The following LAMA2 variants were observed in gnomAD, a reference collection of about 807,000 sequenced individuals.
LAMA2 encodes the protein laminin subunit alpha-2.
In LAMA2, 269 loss-of-function variants were observed where a neutral mutation model predicts 364.8. The ratio of observed to expected loss-of-function variants is 0.74; its 90% CI spans 0.67 to 0.82. The LOEUF is 0.82. LAMA2 is among the 40% of genes least tolerant of loss of function. The pLI is 0.00. For missense variants in LAMA2, 3,807 were observed against 3,873.2 expected (o/e 0.98, Z 0.45); for synonymous variants, 1,379 against 1,370.6 (o/e 1.01, Z -0.14).
chr6:129,216,581 C>G (rs896435483), intron 12 of LAMA2, among the ~76,000 whole-genome samples: 2 of 152,112 alleles, frequency 1.3e-5, no homozygotes, highest in Non-Finnish European at 2.9e-5. Context: ...TTTATCATGA[C>G]AAATGCTAGT....
Position 129,393,215 on chromosome 6 carries a change from G to T in LAMA2, c.5405G>T (p.Arg1802Leu), listed in dbSNP as rs141235562. Residue 1802 changes from arginine (R) to leucine (L), a missense_variant, in exon 37 of 65, where the codon CGC becomes CTC. Physicochemically the swap from Arg to Leu is moderately radical, Grantham distance 102. Coordinates refer to ENST00000421865, the MANE Select transcript of LAMA2 (RefSeq NM_000426.4). The part of the protein sequence containing the change: ...EATDKIREAN[R>L]LFAVNQKNMT... The stretch of plus-strand genomic sequence containing the variant: ...ACAGATAAAATCAGAGAAGCTAATC[G>T]CCTATTTGCAGTAAATCAGAAAAAC... The T allele has an allele frequency of 5.1e-5, 82 of 1,613,874 alleles. No individual in the cohort carries two copies. The African/African-American group carries it at 8.0e-4, about 16-fold the overall frequency.
intron 17 of LAMA2, among the ~76,000 whole-genome samples, chr6:129,279,378 C>T (rs265371): frequency 0.73 from 110,833 of 152,028 alleles, 41,327 homozygotes; most frequent in Non-Finnish European, 0.81. Flanking sequence ...AGCTCTATTG[C>T]TTCAGACCCA....
intron 29 of LAMA2, among the ~76,000 whole-genome samples, chr6:129,338,986 A>T (rs994674793): frequency 3.3e-5 from 5 of 151,840 alleles, no homozygotes; most frequent in Non-Finnish European, 4.4e-5. Flanking sequence ...TGGGGGTGGC[A>T]GGTAATGAAG....
At chr6:129,334,085 C>T (rs1395493754) in intron 29 of LAMA2, among the ~76,000 whole-genome samples, 1 of 152,192 alleles carries the variant, frequency 6.6e-6, no homozygotes, top group Non-Finnish European at 1.5e-5. Context: ...TTGAAATGGC[C>T]TCATGAGGCA....
chr6:128,902,102 T>C (rs1777121866), intron 1 of LAMA2, among the ~76,000 whole-genome samples: 1 of 152,158 alleles, frequency 6.6e-6, no homozygotes, highest in Admixed American at 6.5e-5. Context: ...TATAAAACCA[T>C]CAGACCTCAT....
chr6:129,448,520 A>T (rs1311659674), intron 45 of LAMA2, among the ~76,000 whole-genome samples: 1 of 152,200 alleles, frequency 6.6e-6, no homozygotes, highest in Non-Finnish European at 1.5e-5. Flanking sequence ...TCTGGATATG[A>T]CCTTAACACA....
At chr6:128,910,892 T>G (rs1296492691) in intron 1 of LAMA2, among the ~76,000 whole-genome samples, 2 of 151,594 alleles carry the variant, frequency 1.3e-5, no homozygotes, top group East Asian at 1.9e-4. Flanking sequence ...TGGAGTACCC[T>G]GCCATGTGAG....
intron 4 of LAMA2, among the ~76,000 whole-genome samples, chr6:129,130,007 G>T (rs1255387643): frequency 6.6e-6 from 1 of 152,020 alleles, no homozygotes; most frequent in African/African-American, 2.4e-5. Context: ...GTAGCTGTTA[G>T]GAGGAAGCAT....
chr6:129,349,253 T>C (rs1363193787), intron 30 of LAMA2, 45 bp from the exon 31 acceptor site: 1 of 1,445,354 alleles, frequency 6.9e-7, no homozygotes, highest in Admixed American at 1.7e-5. Context: ...TTTTATAAAA[T>C]AAATGGATTA....
chr6:129,481,062 T>C (rs1310477732), intron 54 of LAMA2, among the ~76,000 whole-genome samples: 2 of 152,202 alleles, frequency 1.3e-5, no homozygotes, highest in African/African-American at 2.4e-5. Flanking sequence ...TAACAAAAAC[T>C]GCTCAGAAGA....
intron 34 of LAMA2, 49 bp from the exon 35 acceptor site, chr6:129,383,073 A>C: frequency 9.1e-6 from 13 of 1,427,532 alleles, no homozygotes; most frequent in African/African-American, 1.4e-5. Flanking sequence ...ATCTAGCTGT[A>C]GCTTCATCAT....
intron 9 of LAMA2, among the ~76,000 whole-genome samples, chr6:129,166,401 G>A (rs867145397): frequency 1.1e-4 from 17 of 152,142 alleles, no homozygotes; most frequent in African/African-American, 4.1e-4. Context: ...AGGCTACAAT[G>A]TAGTGTTTTT....
intron 22 of LAMA2, among the ~76,000 whole-genome samples, chr6:129,308,929 A>C (rs1774044110): frequency 6.6e-6 from 1 of 152,188 alleles, no homozygotes; most frequent in African/African-American, 2.4e-5. Context: ...GGACAGCACC[A>C]AGCCCTGAGG....
At chr6:128,884,374 G>A (rs1416965373) in intron 1 of LAMA2, among the ~76,000 whole-genome samples, 1 of 152,048 alleles carries the variant, frequency 6.6e-6, no homozygotes, top group Non-Finnish European at 1.5e-5. Flanking sequence ...TAACCTAAGA[G>A]TACAAAATCT....
At chr6:129,372,595 G>A (rs1388737440) in intron 34 of LAMA2, among the ~76,000 whole-genome samples, 4 of 152,178 alleles carry the variant, frequency 2.6e-5, no homozygotes, top group Non-Finnish European at 5.9e-5. Context: ...CATGAATCAA[G>A]TTGCTGTAAA....
chr6:129,022,410 T>C (rs954097249), intron 1 of LAMA2, among the ~76,000 whole-genome samples: 1 of 152,222 alleles, frequency 6.6e-6, no homozygotes, highest in Non-Finnish European at 1.5e-5. Flanking sequence ...TCTCATTGTG[T>C]ATTCATCACC....
chr6:129,483,066 C>CCA (rs1784425464), intron 55 of LAMA2, among the ~76,000 whole-genome samples: 2 of 55,614 alleles, frequency 3.6e-5, no homozygotes, highest in African/African-American at 2.3e-4. Context: ...GACTCCGACT[C>CCA]GAAAAAAAAA....
chr6:129,249,848 A>G (rs1050523280), intron 12 of LAMA2, among the ~76,000 whole-genome samples: 2 of 152,118 alleles, frequency 1.3e-5, no homozygotes, highest in Non-Finnish European at 2.9e-5. Flanking sequence ...GCTTCATGGA[A>G]CTTAACCTAT....
chr6:129,303,341 T>C (rs1393100677), intron 22 of LAMA2, among the ~76,000 whole-genome samples: 1 of 152,180 alleles, frequency 6.6e-6, no homozygotes, highest in Non-Finnish European at 1.5e-5. Flanking sequence ...TTTTGGTCCA[T>C]TTAGTGAGAT....
Sources: gnomAD v4.1 joint callset for allele counts (sites outside exome capture counted in the v4.1 genomes callset) on GRCh38, gnomAD v4.1.1 for gene constraint, MANE v1.5 for transcripts, NCBI Gene and HGNC (gene_info 2026-07-23, HGNC 2026-07-21) for gene names.